PTPRD: variants seen among roughly 807,000 people sequenced by gnomAD.
PTPRD encodes protein tyrosine phosphatase receptor type D.
Under a neutral mutation model 214.5 loss-of-function variants are expected in PTPRD, and 34 were observed. That is an observed-to-expected ratio of 0.16 (90% CI 0.12 to 0.21). PTPRD has a LOEUF of 0.21. Among genes scored for constraint, PTPRD ranks in the 10% least tolerant of loss-of-function variants. PTPRD has a pLI of 1.00. For missense variants in PTPRD, 2,545 were observed against 2,398.7 expected, an observed-to-expected ratio of 1.06 and a Z score of -1.27; for synonymous variants, 1,128 against 845.7, an observed-to-expected ratio of 1.33 and a Z score of -5.79.
At chr9:9,111,987 T>C (rs147509311) in intron 10 of PTPRD, among the ~76,000 whole-genome samples, 11 of 152,216 alleles carry the variant, frequency 7.2e-5, no homozygotes, top group Non-Finnish European at 1.5e-4. Context: ...GCCATTGCCA[T>C]GGGGAGTCCA....
intron 5 of PTPRD, among the ~76,000 whole-genome samples, chr9:9,802,960 G>T (rs563280059): frequency 3.3e-5 from 5 of 151,798 alleles, no homozygotes; most frequent in Admixed American, 2.6e-4. Flanking sequence ...TTTAAGCATG[G>T]TAAATTTACT....
chr9:8,603,814 A>T (rs2095031243), intron 14 of PTPRD, among the ~76,000 whole-genome samples: 1 of 152,214 alleles, frequency 6.6e-6, no homozygotes, highest in African/African-American at 2.4e-5. Context: ...TTGCTTCCAC[A>T]TGCAAATATT....
At chr9:9,916,604 A>G (rs553043151) in intron 5 of PTPRD, among the ~76,000 whole-genome samples, 22 of 152,140 alleles carry the variant, frequency 1.4e-4, no homozygotes, top group East Asian at 3.9e-4. Flanking sequence ...AAAGACACAT[A>G]TAGGGTGAAA....
chr9:9,147,631 A>G (rs2099870932), intron 10 of PTPRD, among the ~76,000 whole-genome samples: 1 of 152,104 alleles, frequency 6.6e-6, no homozygotes, highest in Admixed American at 6.5e-5. Flanking sequence ...TTGTTTACCT[A>G]TTGTCTATGG....
At chr9:8,931,044 T>C (rs2098948951) in intron 11 of PTPRD, among the ~76,000 whole-genome samples, 1 of 152,210 alleles carries the variant, frequency 6.6e-6, no homozygotes, top group Admixed American at 6.5e-5. Context: ...CCCATGCCTA[T>C]GTCCTGAATG....
intron 2 of PTPRD, among the ~76,000 whole-genome samples, chr9:10,564,437 G>T (rs558441632): frequency 1.4e-5 from 2 of 146,174 alleles, no homozygotes; most frequent in South Asian, 2.2e-4. Context: ...TAAGAAGGTT[G>T]ATTAAAAGAA....
chr9:10,031,112 G>A (rs181871466), intron 4 of PTPRD, among the ~76,000 whole-genome samples: 62 of 152,254 alleles, frequency 4.1e-4, no homozygotes, highest in South Asian at 6.2e-4. Flanking sequence ...GTAGCGCCAG[G>A]TAGTAATTTT....
intron 2 of PTPRD, among the ~76,000 whole-genome samples, chr9:10,568,849 G>T (rs933982808): frequency 2.6e-5 from 4 of 152,096 alleles, no homozygotes; most frequent in Admixed American, 6.6e-5. Context: ...TACCATGCAG[G>T]ACATACGCTT....
At chr9:9,741,122 G>A (rs1161268654) in intron 6 of PTPRD, among the ~76,000 whole-genome samples, 1 of 152,108 alleles carries the variant, frequency 6.6e-6, no homozygotes, top group African/African-American at 2.4e-5. Context: ...AAGTAGTAGA[G>A]GAATATAAAG....
intron 9 of PTPRD, among the ~76,000 whole-genome samples, chr9:9,246,957 T>A (rs1372873206): frequency 6.6e-6 from 1 of 151,672 alleles, no homozygotes; most frequent in Non-Finnish European, 1.5e-5. Flanking sequence ...AAGGTCTCTC[T>A]GACCTTCTCC....
rs190318555 is a variant in PTPRD at position 10,177,866 on chromosome 9, C to T, written c.-544-144076G>A. On this transcript the variant is annotated intron_variant, in intron 3 of 45. Coordinates refer to ENST00000381196, the MANE Select transcript of PTPRD (RefSeq NM_002839.4). ...ACATTTTCAAAGTGGTTGTTATCTACTATCCACTTCCTTTTATAATTAAAA... is the reference window on the plus strand; with the variant it reads ...ACATTTTCAAAGTGGTTGTTATCTATTATCCACTTCCTTTTATAATTAAAA... Among the ~76,000 whole-genome samples the T allele has an allele frequency of 5.9e-4, 89 of 152,002 alleles. 1 individual carries two copies. Among genetic ancestry groups the T allele is most frequent in the Non-Finnish European group, 4.4e-5 (3 of 67,856 alleles).
intron 9 of PTPRD, among the ~76,000 whole-genome samples, chr9:9,263,542 G>A (rs2099981057): frequency 6.6e-6 from 1 of 151,582 alleles, no homozygotes; most frequent in Admixed American, 6.6e-5. Context: ...CTTCATGAAA[G>A]CATTATATTC....
intron 2 of PTPRD, among the ~76,000 whole-genome samples, chr9:10,600,441 A>G (rs1472078105): frequency 2.0e-5 from 3 of 151,744 alleles, no homozygotes; most frequent in Admixed American, 1.3e-4. Flanking sequence ...AACTCTATAC[A>G]TGCCATACTC....
chr9:9,723,080 T>C (rs1398129114), intron 7 of PTPRD, among the ~76,000 whole-genome samples: 3 of 152,088 alleles, frequency 2.0e-5, no homozygotes, highest in Non-Finnish European at 4.4e-5. Context: ...GATGTTGTAG[T>C]TAAGAACCAC....
chr9:8,364,448 C>A (rs184012181), intron 39 of PTPRD, among the ~76,000 whole-genome samples: 1 of 152,342 alleles, frequency 6.6e-6, no homozygotes, highest in East Asian at 1.9e-4. Flanking sequence ...GCATCTGCTG[C>A]AGCTGGCTGG....
At chr9:9,176,792 G>A (rs1027844211) in intron 10 of PTPRD, among the ~76,000 whole-genome samples, 1 of 152,122 alleles carries the variant, frequency 6.6e-6, no homozygotes, top group African/African-American at 2.4e-5. Flanking sequence ...AGGTGCTGGT[G>A]CCATGATCTT....
At chr9:8,487,535 C>T (rs901331613) in intron 27 of PTPRD, among the ~76,000 whole-genome samples, 2 of 151,400 alleles carry the variant, frequency 1.3e-5, no homozygotes, top group African/African-American at 2.4e-5. Flanking sequence ...TCAAAACCAG[C>T]GGCTGGGTGT....
At chr9:10,432,662 G>T (rs910401970) in intron 2 of PTPRD, among the ~76,000 whole-genome samples, 5 of 151,838 alleles carry the variant, frequency 3.3e-5, no homozygotes, top group Non-Finnish European at 5.9e-5. Context: ...TGAATATACT[G>T]ATTAAAACAC....
chr9:9,637,490 T>C (rs1011769901), intron 7 of PTPRD, among the ~76,000 whole-genome samples: 1 of 152,192 alleles, frequency 6.6e-6, no homozygotes, highest in Non-Finnish European at 1.5e-5. Context: ...GCAGCATAAA[T>C]AGCATTCTTC....
Sources: gnomAD v4.1 joint callset for allele counts (sites outside exome capture counted in the v4.1 genomes callset) on GRCh38, gnomAD v4.1.1 for gene constraint, MANE v1.5 for transcripts, NCBI Gene and HGNC (gene_info 2026-07-23, HGNC 2026-07-21) for gene names.